HSD17B12: variants seen among roughly 807,000 people sequenced by gnomAD.
The protein encoded by HSD17B12 is hydroxysteroid 17-beta dehydrogenase 12, also known as very-long-chain 3-oxoacyl-CoA reductase.
HSD17B12 carries 32 observed loss-of-function variants against 39.3 expected under a neutral mutation model. That is an observed-to-expected ratio of 0.81 (90% CI 0.61 to 1.09). The LOEUF is 1.09. HSD17B12 is among the 50% of genes least tolerant of loss of function. The pLI, the probability that HSD17B12 is intolerant of heterozygous loss-of-function variation, is 0.00. For synonymous variants in HSD17B12, 150 were observed against 146.7 expected (o/e 1.02, Z -0.16); for missense variants, 342 against 382.9 (o/e 0.89, Z 0.89).
the HSD17B12 span, among the ~76,000 whole-genome samples, chr11:43,619,863 A>G: frequency 1.3e-5 from 2 of 152,186 alleles, no homozygotes; most frequent in Non-Finnish European, 2.9e-5. Context: ...TCTTTGTAGA[A>G]TATTTTTTCT....
the HSD17B12 span, among the ~76,000 whole-genome samples, chr11:43,575,486 T>A: frequency 1.3e-5 from 2 of 152,192 alleles, no homozygotes; most frequent in African/African-American, 2.4e-5. The surrounding 1 kb of genome is among the most constrained non-coding windows in gnomAD (Gnocchi z 4.1). Flanking sequence ...CGAGTTTGCA[T>A]TGGGCGTCTT....
intron 9 of HSD17B12, among the ~76,000 whole-genome samples, chr11:43,842,122 T>C (rs530180428): frequency 6.6e-6 from 1 of 152,306 alleles, no homozygotes; most frequent in South Asian, 2.1e-4. Flanking sequence ...TAAGTCAACA[T>C]TGAACACTTA....
chr11:43,706,952 A>G (rs539194245), intron 1 of HSD17B12, among the ~76,000 whole-genome samples: 1 of 152,154 alleles, frequency 6.6e-6, no homozygotes, highest in South Asian at 2.1e-4. Context: ...ATTTTTTGTT[A>G]TATTTTTATA....
intron 3 of HSD17B12, among the ~76,000 whole-genome samples, chr11:43,778,720 A>G (rs529137150): frequency 8.4e-4 from 128 of 151,912 alleles, no homozygotes; most frequent in Non-Finnish European, 1.2e-3. Context: ...TATAAACAGA[A>G]CCAAAGACAA....
At chr11:43,834,776 T>C (rs550073363) in intron 7 of HSD17B12, among the ~76,000 whole-genome samples, 9 of 152,256 alleles carry the variant, frequency 5.9e-5, no homozygotes, top group South Asian at 2.1e-4. Flanking sequence ...CTGAGTTTTA[T>C]AGAGTTGGGC....
intron 9 of HSD17B12, among the ~76,000 whole-genome samples, chr11:43,846,844 C>T (rs1005458022): frequency 1.3e-5 from 2 of 152,324 alleles, no homozygotes; most frequent in Non-Finnish European, 2.9e-5. Context: ...AAACACATTA[C>T]ACCCACAGTA....
chr11:43,729,298 G>A (rs1188323574), intron 1 of HSD17B12, among the ~76,000 whole-genome samples: 1 of 152,164 alleles, frequency 6.6e-6, no homozygotes, highest in Non-Finnish European at 1.5e-5. Flanking sequence ...TATATGTTTA[G>A]TAGTGTCCTA....
intron 1 of HSD17B12, among the ~76,000 whole-genome samples, chr11:43,715,987 CT>C (rs1364412439): frequency 2.0e-5 from 3 of 151,958 alleles, no homozygotes; most frequent in Non-Finnish European, 4.4e-5. Flanking sequence ...ATAATCCTGC[CT>C]GAGGTACTAT....
chr11:43,691,450 A>T (rs1949861705), intron 1 of HSD17B12, among the ~76,000 whole-genome samples: 1 of 152,196 alleles, frequency 6.6e-6, no homozygotes, highest in Non-Finnish European at 1.5e-5. Flanking sequence ...CTCATCTCTA[A>T]GTCTTAGAAT....
intron 1 of HSD17B12, among the ~76,000 whole-genome samples, chr11:43,727,947 G>A (rs1435778392): frequency 1.3e-4 from 20 of 151,912 alleles, no homozygotes; most frequent in African/African-American, 4.8e-4. Flanking sequence ...GAAAACTTGA[G>A]TTTATGTGTT....
chr11:43,782,884 T>C (rs1027052773), intron 3 of HSD17B12, among the ~76,000 whole-genome samples: 13 of 152,176 alleles, frequency 8.5e-5, no homozygotes, highest in African/African-American at 2.9e-4. Flanking sequence ...ACAAAAGTTA[T>C]CATCATCAGT....
chr11:43,586,264 G>A, the HSD17B12 span, among the ~76,000 whole-genome samples: 3 of 152,190 alleles, frequency 2.0e-5, no homozygotes, highest in Non-Finnish European at 4.4e-5. Flanking sequence ...CATTCTGGGG[G>A]CATCATGAGA....
chr11:43,672,180 C>T, the HSD17B12 span, among the ~76,000 whole-genome samples: 4 of 152,154 alleles, frequency 2.6e-5, no homozygotes, highest in Non-Finnish European at 5.9e-5. Flanking sequence ...TCCCAAGTAG[C>T]TGGGACTACA....
chr11:43,631,434 C>G, the HSD17B12 span, among the ~76,000 whole-genome samples: 1 of 152,138 alleles, frequency 6.6e-6, no homozygotes, highest in Non-Finnish European at 1.5e-5. Context: ...ACCAGCTGAG[C>G]TCCTTCTGAC....
intron 1 of HSD17B12, among the ~76,000 whole-genome samples, chr11:43,741,402 G>A (rs928551001): frequency 6.6e-6 from 1 of 152,106 alleles, no homozygotes; most frequent in African/African-American, 2.4e-5. Flanking sequence ...TGGAGTAGAT[G>A]AGTTTGCTGG....
At chr11:43,846,210 A>G (rs1951473468) in intron 9 of HSD17B12, among the ~76,000 whole-genome samples, 1 of 152,260 alleles carries the variant, frequency 6.6e-6, no homozygotes, top group Admixed American at 6.5e-5. Flanking sequence ...GTGAGATAAA[A>G]GCACTCCAAG....
At chr11:43,581,388 A>G in the HSD17B12 span, 1 of 510,918 alleles carries the variant, frequency 2.0e-6, no homozygotes, top group African/African-American at 1.9e-5. This position sits in a 1 kb window ranked among gnomAD's most constrained non-coding sequence, Gnocchi z 4.9. Flanking sequence ...AGAAGCCGGC[A>G]TATTCTGCCC....
intron 4 of HSD17B12, among the ~76,000 whole-genome samples, chr11:43,810,388 T>TATAC (rs1294400302): frequency 7.8e-6 from 1 of 128,180 alleles, no homozygotes; most frequent in Non-Finnish European, 1.6e-5. Flanking sequence ...TATATATATA[T>TATAC]ATATATATAT....
the HSD17B12 span, among the ~76,000 whole-genome samples, chr11:43,652,772 T>C: frequency 6.6e-6 from 1 of 152,080 alleles, no homozygotes; most frequent in Non-Finnish European, 1.5e-5. Flanking sequence ...AAACTTCACA[T>C]GTTCAGATAT....
Sources: gnomAD v4.1 joint callset for allele counts (sites outside exome capture counted in the v4.1 genomes callset) on GRCh38, gnomAD v4.1.1 for gene constraint, Gnocchi (gnomAD v3.1) non-coding constraint, MANE v1.5 for transcripts, NCBI Gene and HGNC (gene_info 2026-07-23, HGNC 2026-07-21) for gene names.